The following PANK1 variants were observed in gnomAD, a reference collection of about 807,000 sequenced individuals.
The protein encoded by PANK1 is pantothenic acid kinase 1.
A neutral mutation model predicts 40.1 loss-of-function variants in PANK1; 18 were observed. That is an observed-to-expected ratio of 0.45 (90% CI 0.31 to 0.67). The LOEUF is 0.67. Among genes scored for constraint, PANK1 ranks in the 30% least tolerant of loss-of-function variants. The pLI is 0.06. For missense variants in PANK1, 457 were observed against 599.6 expected, an observed-to-expected ratio of 0.76 and a Z score of 2.48; for synonymous variants, 242 against 237.7, an observed-to-expected ratio of 1.02 and a Z score of -0.17.
intron 2 of PANK1, among the ~76,000 whole-genome samples, chr10:89,601,772 G>A (rs1056307395): frequency 2.6e-5 from 4 of 152,130 alleles, no homozygotes; most frequent in African/African-American, 9.7e-5. Flanking sequence ...TGAAACTTCT[G>A]TATGAGATGT....
intron 2 of PANK1, among the ~76,000 whole-genome samples, chr10:89,609,653 T>C (rs1294867205): frequency 2.0e-5 from 3 of 152,232 alleles, no homozygotes; most frequent in Admixed American, 6.5e-5. Flanking sequence ...AGGCAGTTCA[T>C]AGACTCTTCT....
intron 4 of PANK1, 104 bp from the exon 5 acceptor site, chr10:89,593,424 A>C: frequency 3.9e-6 from 5 of 1,296,740 alleles, no homozygotes; most frequent in African/African-American, 1.5e-5. Context: ...GTTCAAACTC[A>C]AGTGATCCAA....
chr10:89,591,555 T>C (rs1453508821), intron 5 of PANK1, among the ~76,000 whole-genome samples: 1 of 152,208 alleles, frequency 6.6e-6, no homozygotes. Context: ...AGGGACTTGG[T>C]GGCTGCTCTC....
intron 3 of PANK1, among the ~76,000 whole-genome samples, chr10:89,598,822 T>C (rs74146983): frequency 0.035 from 5,260 of 152,234 alleles, 284 homozygotes; most frequent in African/African-American, 0.12. Context: ...GTAGACATAG[T>C]TTGGTTTGCT....
At chr10:89,643,120 T>A (rs17125278) in intron 1 of PANK1, among the ~76,000 whole-genome samples, 1 of 152,004 alleles carries the variant, frequency 6.6e-6, no homozygotes, top group South Asian at 2.1e-4. Flanking sequence ...CAATTAAACA[T>A]AGAAGATTAA....
intron 1 of PANK1, among the ~76,000 whole-genome samples, chr10:89,624,073 G>A (rs1049477110): frequency 3.9e-5 from 6 of 152,102 alleles, no homozygotes; most frequent in South Asian, 2.1e-4. Flanking sequence ...TTCTCCTCTC[G>A]CCCAGACACG....
chr10:89,611,434 T>C (rs1276181032), intron 2 of PANK1, among the ~76,000 whole-genome samples: 2 of 152,232 alleles, frequency 1.3e-5, no homozygotes, highest in Admixed American at 6.5e-5. Context: ...CCAGCAATAA[T>C]TGTAATTGAA....
intron 3 of PANK1, among the ~76,000 whole-genome samples, chr10:89,597,385 G>T (rs1053978815): frequency 2.6e-5 from 4 of 152,076 alleles, no homozygotes; most frequent in South Asian, 2.1e-4. Flanking sequence ...CCCCTGAAAG[G>T]GTTCTCTATT....
At chr10:89,620,260 G>A (rs560927448) in intron 1 of PANK1, among the ~76,000 whole-genome samples, 1 of 152,110 alleles carries the variant, frequency 6.6e-6, no homozygotes, top group African/African-American at 2.4e-5. Context: ...TAACCGTAAG[G>A]CCAAACTGCC....
intron 1 of PANK1, chr10:89,614,049 G>C (rs1564628721): frequency 4.4e-6 from 2 of 456,342 alleles, no homozygotes; most frequent in African/African-American, 2.0e-5. Context: ...AAGAAAAATT[G>C]CAAGTAACCC....
downstream of PANK1, chr10:89,582,688 G>A (rs1358106699): frequency 6.6e-6 from 1 of 152,110 alleles, no homozygotes; most frequent in Non-Finnish European, 1.5e-5. Flanking sequence ...GATAGAAGTT[G>A]GTAAAATGTA....
chr10:89,644,614 CT>C lies in PANK1; in HGVS notation c.277del (p.Arg93GlufsTer41). ...CRLRRRMDSGRKNRPPFPWFG... is the reference protein window; with the variant it reads ...CRLRRRMDSGXKNRPPFPWFG... ...GCGGGACTTACGCGGCCTGTTCTTT[CT>C]CCCCGAGTCCATCCTCCTCCGCAGC... On this transcript the variant is annotated frameshift_variant, in exon 1 of 7. Coordinates refer to ENST00000307534, the MANE Select transcript of PANK1 (RefSeq NM_148977.3). LOFTEE classifies it high-confidence loss of function. 1 of 1,589,240 alleles carries C rather than the reference CT, an allele frequency of 6.3e-7. No homozygotes were observed. The highest frequency in any genetic ancestry group is 8.5e-7 in the Non-Finnish European group (1 of 1,172,784).
At chr10:89,644,498 G>T in intron 1 of PANK1, 102 bp downstream of exon 1, 3 of 1,024,778 alleles carry the variant, frequency 2.9e-6, no homozygotes, top group Non-Finnish European at 4.1e-6. Flanking sequence ...AGACGCGGGG[G>T]CGCACGGGGC....
chr10:89,635,913 C>A (rs1333121312), intron 1 of PANK1, among the ~76,000 whole-genome samples: 1 of 152,224 alleles, frequency 6.6e-6, no homozygotes, highest in East Asian at 1.9e-4. Flanking sequence ...CTTAAGGCTC[C>A]AGAGTAATCT....
chr10:89,593,716 C>T, intron 4 of PANK1, 97 bp downstream of exon 4: 1 of 873,200 alleles, frequency 1.1e-6, no homozygotes, highest in Non-Finnish European at 1.9e-6. Flanking sequence ...CTGCACCAGG[C>T]TGGTGGACTG....
chr10:89,611,963 C>T lies in PANK1; in HGVS notation c.378G>A (p.Glu126=), dbSNP rs1376496917. 3 of 1,614,172 alleles carry T rather than the reference C, an allele frequency of 1.9e-6. No homozygotes were observed. The highest frequency in any genetic ancestry group is 2.2e-5 in the East Asian group (1 of 44,882). Residue 126 remains glutamate (E), a synonymous_variant, in exon 2 of 7, where the codon GAG becomes GAA. Coordinates refer to ENST00000307534, the MANE Select transcript of PANK1 (RefSeq NM_148977.3). ...FEPKDITAEE[E]QEEVENLKSI... Reference sequence around the variant, plus strand: ...TCTTCAGGTTCTCCACTTCCTCTTGCTCCTCTTCGGCTGTAATATCCTTCG... The same window carrying T: ...TCTTCAGGTTCTCCACTTCCTCTTGTTCCTCTTCGGCTGTAATATCCTTCG...
intron 1 of PANK1, among the ~76,000 whole-genome samples, chr10:89,633,087 T>G (rs894226475): frequency 1.3e-5 from 2 of 152,180 alleles, no homozygotes; most frequent in Non-Finnish European, 2.9e-5. Flanking sequence ...AACAACTGGT[T>G]CTCTGAAAAT....
At position 89,625,345 on chromosome 10, in the gene PANK1, C is replaced by T. The variant is rs527551278; in HGVS notation, c.293-13297G>A. Among the ~76,000 whole-genome samples the T allele has an allele frequency of 2.9e-3, 445 of 152,328 alleles. 3 individuals are homozygous for T. The highest frequency in any genetic ancestry group is 5.0e-3 in the Non-Finnish European group (338 of 68,030). ...TGCCATTCCCAGACACATCTAATTGCTTGTTAATGAAATTATTTATTGGCA... is the reference window on the plus strand; with the variant it reads ...TGCCATTCCCAGACACATCTAATTGTTTGTTAATGAAATTATTTATTGGCA... On this transcript the variant is annotated intron_variant, in intron 1 of 6. Coordinates refer to ENST00000307534, the MANE Select transcript of PANK1 (RefSeq NM_148977.3).
chr10:89,645,168 G>T lies in PANK1; in HGVS notation c.-277C>A, dbSNP rs769658460. 1 of 1,552,648 alleles carries T rather than the reference G, an allele frequency of 6.4e-7. No homozygotes were observed. The highest frequency in any genetic ancestry group is 1.9e-5 in the Admixed American group (1 of 51,986). ...CGGGGATCCCCGCGCACCCCCAGCC[G>T]GGGCTCCCGCCGCCCGCCTTCCCCT... On this transcript the variant is annotated 5_prime_UTR_variant, in exon 1 of 7. Coordinates refer to ENST00000307534, the MANE Select transcript of PANK1 (RefSeq NM_148977.3).
Sources: allele counts gnomAD v4.1 joint callset (sites outside exome capture counted in the v4.1 genomes callset), GRCh38; gene constraint gnomAD v4.1.1; transcripts MANE v1.5; gene names NCBI Gene and HGNC (gene_info 2026-07-23, HGNC 2026-07-21).